The following FOCAD variants were observed in gnomAD, a reference collection of about 807,000 sequenced individuals.
The protein encoded by FOCAD is KIAA1797.
FOCAD carries 198 observed loss-of-function variants against 225.6 expected under a neutral mutation model. That is an observed-to-expected ratio of 0.88 (90% CI 0.78 to 0.99). The LOEUF is 0.99. Among genes scored for constraint, FOCAD ranks in the 50% least tolerant of loss-of-function variants. The pLI is 0.00. For synonymous variants in FOCAD, 897 were observed against 755.0 expected, an observed-to-expected ratio of 1.19 and a Z score of -3.08; for missense variants, 2,713 against 2,123.6, an observed-to-expected ratio of 1.28 and a Z score of -5.46.
rs986368395 is a variant in FOCAD at position 20,831,531 on chromosome 9, T to C, written c.1920+8416T>C. On this transcript the variant is annotated intron_variant, in intron 15 of 43. Coordinates refer to ENST00000338382, the MANE Select transcript of FOCAD (RefSeq NM_001375567.1). ...AGGGGAAACATGGTGTTAAGTACAC[T>C]AAATGTATTTAAAATTTAGAAATGT... Among the ~76,000 whole-genome samples the C allele has an allele frequency of 3.9e-5, 6 of 152,214 alleles. No individual in the cohort carries two copies. The East Asian group carries it at 1.2e-3, about 29-fold the overall frequency.
chr9:20,755,348 A>G (rs1828952616), intron 5 of FOCAD, among the ~76,000 whole-genome samples: 1 of 152,224 alleles, frequency 6.6e-6, no homozygotes, highest in Non-Finnish European at 1.5e-5. Flanking sequence ...AGCTAGCAAA[A>G]CAGGCCTTCA....
chr9:20,895,216 C>T (rs1831976673), intron 21 of FOCAD, among the ~76,000 whole-genome samples: 1 of 151,994 alleles, frequency 6.6e-6, no homozygotes, highest in Non-Finnish European at 1.5e-5. Flanking sequence ...GTCTTGATTA[C>T]TGTAGCTCTA....
intron 21 of FOCAD, among the ~76,000 whole-genome samples, chr9:20,903,165 C>T (rs1256479079): frequency 6.6e-6 from 1 of 151,904 alleles, no homozygotes; most frequent in African/African-American, 2.4e-5. Context: ...CATCTCCTAA[C>T]AATCTCACAT....
intron 1 of FOCAD, chr9:20,694,589 C>G (rs1394923868): frequency 1.3e-5 from 2 of 152,164 alleles, no homozygotes; most frequent in Non-Finnish European, 2.9e-5. Flanking sequence ...TAACAGTTCA[C>G]ATTGCAATCT....
chr9:20,820,413 G>C lies in FOCAD; in HGVS notation c.1650G>C (p.Leu550Phe). The change falls in exon 13 of 44, where the codon TTG becomes TTC. Residue 550 changes from leucine to phenylalanine, a missense_variant. Coordinates refer to ENST00000338382, the MANE Select transcript of FOCAD (RefSeq NM_001375567.1). ...TCACTTTGCGCTTGCTGACATCTTT[G>C]TGGGAAAAGCAGGTAATTTCAGATA... ...RAVTLRLLTS[L>F]WEKQDRVYPE... 6.2e-7 allele frequency: 1 copy of C among 1,612,470 alleles called. No homozygotes were observed.
At chr9:20,938,607 A>G (rs893797187) in intron 28 of FOCAD, among the ~76,000 whole-genome samples, 7 of 152,124 alleles carry the variant, frequency 4.6e-5, no homozygotes, top group African/African-American at 1.7e-4. Flanking sequence ...GAGGGATAGC[A>G]TTAGGGGATA....
At chr9:20,862,548 A>G (rs761729856) in intron 15 of FOCAD, 30 bp from the exon 16 acceptor site, 1 of 1,607,076 alleles carries the variant, frequency 6.2e-7, no homozygotes, top group Non-Finnish European at 8.5e-7. Flanking sequence ...GAGTCTTGTT[A>G]GGTGTTGACC....
intron 11 of FOCAD, among the ~76,000 whole-genome samples, chr9:20,794,117 T>C (rs1410148076): frequency 6.6e-6 from 1 of 152,182 alleles, no homozygotes; most frequent in South Asian, 2.1e-4. Context: ...CCTTGATTTA[T>C]AAATATAAAT....
Position 20,866,917 on chromosome 9 carries a change from T to TTTTG in FOCAD, c.2107-12_2107-11insTTTG. 1.3e-6 allele frequency: 1 copy of TTTTG among 764,972 alleles called. No individual in the cohort carries two copies. The highest frequency in any genetic ancestry group is 2.0e-6 in the Non-Finnish European group (1 of 498,468). 47.4% of individuals were successfully genotyped at this position (764,972 alleles called of 1,614,324 possible). On this transcript the variant is annotated splice_polypyrimidine_tract_variant and intron_variant, in intron 17 of 43. Transcript: ENST00000338382. ...TTTTTTTTTTTTTTTTTTTTTTTTT[T>TTTTG]ACCCTATCTAGGACCCAATTGTAGC... is the stretch of plus-strand genomic sequence containing the variant.
intron 1 of FOCAD, among the ~76,000 whole-genome samples, chr9:20,709,847 T>A (rs2131465989): frequency 6.6e-6 from 1 of 152,340 alleles, no homozygotes; most frequent in Non-Finnish European, 1.5e-5. Context: ...TAGGGCTGTC[T>A]TTTGTAATCT....
intron 16 of FOCAD, among the ~76,000 whole-genome samples, chr9:20,865,459 GGAA>G (rs1829143871): frequency 6.6e-6 from 1 of 152,022 alleles, no homozygotes; most frequent in Admixed American, 6.6e-5. Flanking sequence ...TCATCTTTGA[GGAA>G]CTGTGTGGGC....
chr9:20,949,997 G>C (rs1587700726), intron 33 of FOCAD, among the ~76,000 whole-genome samples: 1 of 152,098 alleles, frequency 6.6e-6, no homozygotes, highest in African/African-American at 2.4e-5. Flanking sequence ...AAAGGGCATG[G>C]CAGATCTTGG....
intron 10 of FOCAD, among the ~76,000 whole-genome samples, chr9:20,788,897 C>G (rs1444701541): frequency 6.6e-6 from 1 of 152,214 alleles, no homozygotes; most frequent in Non-Finnish European, 1.5e-5. Flanking sequence ...AACATACTGT[C>G]TGTTACAGAA....
intron 2 of FOCAD, among the ~76,000 whole-genome samples, chr9:20,674,777 A>C (rs1434251228): frequency 6.6e-6 from 1 of 152,236 alleles, no homozygotes; most frequent in East Asian, 1.9e-4. Flanking sequence ...CTATTTACTC[A>C]GTAATATTTG....
Position 20,874,786 on chromosome 9 carries a change from AC to A in FOCAD, c.2297del (p.Thr766IlefsTer17). 1 of 1,613,068 alleles carries A rather than the reference AC, an allele frequency of 6.2e-7. No individual in the cohort carries two copies. The highest frequency in any genetic ancestry group is 1.3e-5 in the African/African-American group (1 of 74,816). On this transcript the variant is annotated frameshift_variant, in exon 19 of 44. Coordinates refer to ENST00000338382, the MANE Select transcript of FOCAD (RefSeq NM_001375567.1). LOFTEE classifies it high-confidence loss of function. Reference sequence around the variant, plus strand: ...TTGCTATCTCAAACTGTTGTCACTCACTCCCCCTTTGGTTTTACCAGGTGAC... The same window carrying A: ...TTGCTATCTCAAACTGTTGTCACTCATCCCCCTTTGGTTTTACCAGGTGAC... ...GSCYLKLLSL[T>X]PPLVLPALEE...
intron 18 of FOCAD, among the ~76,000 whole-genome samples, chr9:20,873,650 T>C (rs929946638): frequency 1.3e-5 from 2 of 151,966 alleles, no homozygotes; most frequent in African/African-American, 2.4e-5. Flanking sequence ...ACACTAGTTA[T>C]GGTTGAAAGG....
intron 1 of FOCAD, among the ~76,000 whole-genome samples, chr9:20,695,639 A>G (rs1031515681): frequency 6.6e-6 from 1 of 152,208 alleles, no homozygotes. Context: ...CGAGGTAGGG[A>G]AGTAAGGATT....
chr9:20,907,447 C>T (rs185301968), intron 22 of FOCAD, among the ~76,000 whole-genome samples: 1 of 152,082 alleles, frequency 6.6e-6, no homozygotes, highest in Non-Finnish European at 1.5e-5. Flanking sequence ...CCATGTGTCC[C>T]ATCCAGAACT....
intron 1 of FOCAD, among the ~76,000 whole-genome samples, chr9:20,701,858 A>C (rs911775413): frequency 4.6e-5 from 7 of 152,246 alleles, no homozygotes; most frequent in Admixed American, 1.3e-4. Context: ...AGCTGTTTGC[A>C]TATGCTGATA....
Sources: allele counts gnomAD v4.1 joint callset (sites outside exome capture counted in the v4.1 genomes callset), GRCh38; gene constraint gnomAD v4.1.1; transcripts MANE v1.5; gene names NCBI Gene and HGNC (gene_info 2026-07-23, HGNC 2026-07-21).